Variants in ITGA9 observed in about 807,000 individuals in gnomAD.
ITGA9 encodes integrin subunit alpha 9.
ITGA9 carries 56 observed loss-of-function variants against 127.8 expected under a neutral mutation model. The ratio of observed to expected loss-of-function variants is 0.44; its 90% CI spans 0.35 to 0.55. The LOEUF (loss-of-function observed/expected upper bound fraction) is 0.55. Ranked by LOEUF, ITGA9 falls within the 20% of genes least tolerant of loss-of-function variation. ITGA9 has a pLI of 0.00. For synonymous variants in ITGA9, 508 were observed against 514.5 expected, an observed-to-expected ratio of 0.99 and a Z score of 0.17; for missense variants, 1,196 against 1,347.1, an observed-to-expected ratio of 0.89 and a Z score of 1.76.
rs376408180 is a variant in ITGA9, at chr3:37,819,033, T to G, written c.*44T>G. 7 of 1,363,446 alleles carry G rather than the reference T, an allele frequency of 5.1e-6. No individual in the cohort carries two copies. Among genetic ancestry groups the G allele is most frequent in the Non-Finnish European group, 7.4e-6 (7 of 951,878 alleles). The allele number at this position is 1,363,446 out of a possible 1,614,324, so 84.5% of individuals were successfully genotyped here. ...TGACCTGATCACTAGCCTGTCATCC[T>G]TGGTCTTTGTATCTTCCATATTTGG... On this transcript the variant is annotated 3_prime_UTR_variant, in exon 28 of 28. Transcript: ENST00000264741.
chr3:37,616,628 C>G (rs1001373709), intron 15 of ITGA9, among the ~76,000 whole-genome samples: 1 of 152,138 alleles, frequency 6.6e-6, no homozygotes, highest in African/African-American at 2.4e-5. Context: ...TAAGGGCTTG[C>G]TTTATGAATC....
At chr3:37,708,433 A>G (rs1409996841) in intron 18 of ITGA9, among the ~76,000 whole-genome samples, 1 of 152,202 alleles carries the variant, frequency 6.6e-6, no homozygotes, top group South Asian at 2.1e-4. Context: ...TCAAAACTGC[A>G]AGGGATGTAG....
intron 15 of ITGA9, among the ~76,000 whole-genome samples, chr3:37,611,582 T>C (rs1007079093): frequency 2.0e-5 from 3 of 152,210 alleles, no homozygotes; most frequent in Admixed American, 6.5e-5. Context: ...TTCTTCACTC[T>C]CTAAACTGCA....
intron 11 of ITGA9, among the ~76,000 whole-genome samples, chr3:37,519,673 G>A (rs1464279659): frequency 6.6e-6 from 1 of 152,166 alleles, no homozygotes; most frequent in African/African-American, 2.4e-5. Flanking sequence ...TTTGTCAACC[G>A]TCTATGCTAA....
intron 18 of ITGA9, among the ~76,000 whole-genome samples, chr3:37,731,591 T>TAACA (rs1236048850): frequency 6.6e-6 from 1 of 152,230 alleles, no homozygotes; most frequent in African/African-American, 2.4e-5. Flanking sequence ...TATTGATGTT[T>TAACA]AACAAACAAA....
chr3:37,635,707 G>A (rs1459694577), intron 16 of ITGA9, among the ~76,000 whole-genome samples: 1 of 151,214 alleles, frequency 6.6e-6, no homozygotes, highest in African/African-American at 2.4e-5. Flanking sequence ...GTATACATGT[G>A]CCATGTTGGT....
At chr3:37,762,777 C>T (rs561349118) in intron 23 of ITGA9, among the ~76,000 whole-genome samples, 2 of 152,294 alleles carry the variant, frequency 1.3e-5, no homozygotes, top group African/African-American at 4.8e-5. Context: ...TTGCGCCATC[C>T]TTTTGTCTGG....
chr3:37,804,731 T>C (rs190655214), intron 27 of ITGA9, among the ~76,000 whole-genome samples: 6 of 152,338 alleles, frequency 3.9e-5, no homozygotes, highest in Admixed American at 3.3e-4. Flanking sequence ...AAATTTCAGA[T>C]GTAGGTGAAA....
At chr3:37,538,360 G>A (rs865858222) in intron 14 of ITGA9, among the ~76,000 whole-genome samples, 1 of 152,244 alleles carries the variant, frequency 6.6e-6, no homozygotes, top group South Asian at 2.1e-4. Flanking sequence ...AGCAGCCGGG[G>A]GCAGGGCAGG....
At chr3:37,784,855 A>T in intron 25 of ITGA9, 122 bp from the exon 26 acceptor site, 1 of 759,334 alleles carries the variant, frequency 1.3e-6, no homozygotes, top group Non-Finnish European at 2.3e-6. Flanking sequence ...TATCTAGTTC[A>T]ATGATAAAAT....
intron 26 of ITGA9, among the ~76,000 whole-genome samples, chr3:37,796,467 T>TTGGATGGATGGA (rs201148519): frequency 3.2e-4 from 48 of 151,084 alleles, no homozygotes; most frequent in African/African-American, 1.1e-3. Flanking sequence ...TGTTGGTTGG[T>TTGGATGGATGGA]TGGATGGATG....
At chr3:37,720,242 TAC>T (rs1701177421) in intron 18 of ITGA9, among the ~76,000 whole-genome samples, 5 of 152,286 alleles carry the variant, frequency 3.3e-5, no homozygotes, top group Middle Eastern at 6.8e-3. Flanking sequence ...TCACCATGAG[TAC>T]ATTTCTATGA....
intron 22 of ITGA9, chr3:37,748,745 CT>C: frequency 2.0e-6 from 1 of 497,528 alleles, no homozygotes. Context: ...AAGACTCTGT[CT>C]TAAAAAAAAA....
intron 15 of ITGA9, among the ~76,000 whole-genome samples, chr3:37,561,371 G>A (rs902200066): frequency 2.0e-5 from 3 of 152,112 alleles, no homozygotes. Flanking sequence ...GTCTAGTGTC[G>A]AACCTCCTAA....
chr3:37,542,538 C>G lies in ITGA9; in HGVS notation c.1642C>G (p.Leu548Val), dbSNP rs1699284730. 5 of 1,614,178 alleles carry G rather than the reference C, an allele frequency of 3.1e-6. 1 individual carries two copies. In the South Asian group the frequency reaches 4.4e-5, roughly 14 times the overall value. Residue 548 changes from leucine (L) to valine (V), a missense_variant, in exon 15 of 28, where the codon CTG (leucine) becomes GTG (valine). Physicochemically the swap from Leu to Val is conservative, Grantham distance 32. Coordinates refer to ENST00000264741, the MANE Select transcript of ITGA9 (RefSeq NM_002207.3). ...GGGTCAGGTCACAGAGAAGCTGCAG[C>G]TGACTTACATGGAGGAGACGTGTCG... is the stretch of plus-strand genomic sequence containing the variant. ...TMGQVTEKLQ[L>V]TYMEETCRHY...
At chr3:37,655,060 T>C (rs1209000201) in intron 17 of ITGA9, among the ~76,000 whole-genome samples, 1 of 152,222 alleles carries the variant, frequency 6.6e-6, no homozygotes, top group Non-Finnish European at 1.5e-5. Context: ...CTATGGTGTA[T>C]CTGTGCCACA....
chr3:37,565,320 C>T (rs996344995), intron 15 of ITGA9, among the ~76,000 whole-genome samples: 7 of 152,208 alleles, frequency 4.6e-5, no homozygotes, highest in African/African-American at 9.7e-5. Context: ...TGCAAGCACA[C>T]ATGCCTCCTA....
At chr3:37,774,532 CA>C (rs60606543) in intron 23 of ITGA9, among the ~76,000 whole-genome samples, 257 of 135,376 alleles carry the variant, frequency 1.9e-3, no homozygotes, top group East Asian at 2.5e-3. Context: ...CTATCTCTAC[CA>C]AAAAAAAAAA....
intron 21 of ITGA9, among the ~76,000 whole-genome samples, chr3:37,742,045 G>C (rs1696443996): frequency 6.6e-6 from 1 of 152,204 alleles, no homozygotes; most frequent in African/African-American, 2.4e-5. Context: ...TAGATAATCT[G>C]AGAAGTTTGA....
Sources: gnomAD v4.1 joint callset for allele counts (sites outside exome capture counted in the v4.1 genomes callset) on GRCh38, gnomAD v4.1.1 for gene constraint, MANE v1.5 for transcripts, NCBI Gene and HGNC (gene_info 2026-07-23, HGNC 2026-07-21) for gene names.